The following NCOR1 variants were observed in gnomAD, a reference collection of about 807,000 sequenced individuals.
NCOR1 encodes protein phosphatase 1, regulatory subunit 109.
Under a neutral mutation model 288.1 loss-of-function variants are expected in NCOR1, and 63 were observed. The ratio of observed to expected loss-of-function variants is 0.22; its 90% CI spans 0.18 to 0.27. NCOR1 has a LOEUF of 0.27. NCOR1 is among the 10% of genes least tolerant of loss of function. The probability of loss-of-function intolerance (pLI) is 1.00; values close to 1 mark genes in which losing one functional copy is unlikely to be tolerated. For synonymous variants in NCOR1, 1,007 were observed against 1,065.9 expected (o/e 0.94, Z 1.08); for missense variants, 2,397 against 3,019.2 (o/e 0.79, Z 4.83).
intron 22 of NCOR1, among the ~76,000 whole-genome samples, chr17:16,088,443 A>C (rs1362328918): frequency 6.6e-6 from 1 of 152,168 alleles, no homozygotes; most frequent in Non-Finnish European, 1.5e-5. Context: ...TCTGTGTAAT[A>C]ATTTTTTCTG....
chr17:16,130,556 TA>T (rs1415411290), intron 14 of NCOR1, among the ~76,000 whole-genome samples: 2 of 152,256 alleles, frequency 1.3e-5, no homozygotes, highest in Non-Finnish European at 2.9e-5. Flanking sequence ...GTCAGGGAGT[TA>T]ATATAACATG....
Position 16,171,341 on chromosome 17 carries a change from T to G in NCOR1, c.435+462A>C, listed in dbSNP as rs370480017. On this transcript the variant is annotated intron_variant, in intron 4 of 45. Transcript: ENST00000268712. ...ATAAGTATGTATTACTTACATAAAT[T>G]AGGAACAATTTTCTTTTGTATAGAA... Among the ~76,000 whole-genome samples the G allele has an allele frequency of 1.2e-3, 186 of 152,298 alleles. 1 individual carries two copies. In the Middle Eastern group the frequency reaches 0.014, roughly 11 times the overall value.
rs1021421479 is a variant in NCOR1 at position 16,169,066 on chromosome 17, CTTTA to C, written c.435+2733_435+2736del. 4.6e-5 allele frequency among the ~76,000 whole-genome samples: 7 copies of C among 151,752 alleles called. No homozygotes were observed. The East Asian group carries it at 7.7e-4, about 17-fold the overall frequency. On this transcript the variant is annotated intron_variant, in intron 4 of 45. Coordinates refer to ENST00000268712, the MANE Select transcript of NCOR1 (RefSeq NM_006311.4). ...TAAATAATTTTATTTAATCAATGAA[CTTTA>C]TTTATGCATATGTGGAATACTAAGT...
chr17:16,153,371 T>C lies in NCOR1; in HGVS notation c.757A>G (p.Ile253Val). 6.2e-7 allele frequency: 1 copy of C among 1,600,092 alleles called. No homozygotes were observed. The highest frequency in any genetic ancestry group is 8.5e-7 in the Non-Finnish European group (1 of 1,172,326). The change falls in exon 7 of 46, where the codon ATT becomes GTT. Residue 253 changes from isoleucine to valine, a missense_variant. Physicochemically the swap from Ile to Val is conservative, Grantham distance 29 (BLOSUM62 3). This residue lies in a region of NCOR1 where 76 missense variants were observed against 102.2 expected (regional missense o/e 0.74). Coordinates refer to ENST00000268712, the MANE Select transcript of NCOR1 (RefSeq NM_006311.4). ...ACTTTTGGGCCAAGACCTTCAAAAA[T>C]TTTATGAGCTTCTTCTGCTTTTTTC... ...NRKKAEEAHK[I>V]FEGLGPKVEL...
intron 6 of NCOR1, among the ~76,000 whole-genome samples, chr17:16,155,224 G>A (rs1356213080): frequency 2.6e-5 from 4 of 151,874 alleles, no homozygotes; most frequent in Non-Finnish European, 5.9e-5. Context: ...GGTGGCATGT[G>A]CCTATAATCC....
chr17:16,149,379 G>A lies in NCOR1; in HGVS notation c.909+72C>T, dbSNP rs940904767. On this transcript the variant is annotated intron_variant, in intron 9 of 45. Transcript: ENST00000268712. ...TCAAGGACCACTCTCATTAACAGTA[G>A]GAAAGTGAATGCCTAAATGAGCATG... 36 of 796,020 alleles carry A rather than the reference G, an allele frequency of 4.5e-5. No homozygotes were observed. The African/African-American group carries it at 5.8e-4, about 13-fold the overall frequency. The allele number at this position is 796,020 out of a possible 1,614,324, so 49.3% of individuals were successfully genotyped here.
chr17:16,155,201 A>C (rs1177552198), intron 6 of NCOR1, among the ~76,000 whole-genome samples: 1 of 152,066 alleles, frequency 6.6e-6, no homozygotes, highest in Non-Finnish European at 1.5e-5. Flanking sequence ...AAATGCAAAA[A>C]TTAGCCAGGC....
intron 14 of NCOR1, among the ~76,000 whole-genome samples, chr17:16,136,083 G>C (rs2076355553): frequency 6.6e-6 from 1 of 152,218 alleles, no homozygotes; most frequent in Admixed American, 6.5e-5. Flanking sequence ...GGCAGCTGCT[G>C]ATCAGTTATT....
In NCOR1 at chr17:16,145,686, C is replaced by T. The variant is rs1001425512; in HGVS notation, c.1082+690G>A. Among the ~76,000 whole-genome samples, 43 of 151,968 alleles carry T rather than the reference C, an allele frequency of 2.8e-4. 1 individual carries two copies. Among genetic ancestry groups the T allele is most frequent in the African/African-American group, 9.9e-4 (41 of 41,440 alleles). On this transcript the variant is annotated intron_variant, in intron 10 of 45. Coordinates refer to ENST00000268712, the MANE Select transcript of NCOR1 (RefSeq NM_006311.4). ...CTTCCGGGAGGTGGGGGGCAGCCCCCGCCCAGCCAGCCGCCCAGTCCGGGA... is the reference window on the plus strand; with the variant it reads ...CTTCCGGGAGGTGGGGGGCAGCCCCTGCCCAGCCAGCCGCCCAGTCCGGGA...
At chr17:16,214,557 T>C (rs1384456440) in intron 1 of NCOR1, among the ~76,000 whole-genome samples, 2 of 152,236 alleles carry the variant, frequency 1.3e-5, no homozygotes, top group Admixed American at 6.5e-5. Flanking sequence ...AGGTTAACTC[T>C]GTGGAAGAGG....
chr17:16,177,178 A>G (rs1200197720), intron 3 of NCOR1, among the ~76,000 whole-genome samples: 2 of 151,938 alleles, frequency 1.3e-5, no homozygotes, highest in African/African-American at 4.8e-5. Context: ...TTATATCTTC[A>G]GGGCACTCAA....
At chr17:16,039,713 A>G (rs2057182527) in intron 43 of NCOR1, 59 bp from the exon 44 acceptor site, 4 of 1,446,954 alleles carry the variant, frequency 2.8e-6, no homozygotes, top group South Asian at 1.2e-5. Flanking sequence ...GGAAACAAAC[A>G]TGCATTGCCC....
rs1406160497 is a variant in NCOR1 at position 16,191,911 on chromosome 17, T to C, written c.108+2551A>G. On this transcript the variant is annotated intron_variant, in intron 2 of 45. Transcript: ENST00000268712. ...GAGGATCCCTTGAGCCCAATAGTTCTAGGCTACAGCTCTGGGCTATGCCAA... is the reference window on the plus strand; with the variant it reads ...GAGGATCCCTTGAGCCCAATAGTTCCAGGCTACAGCTCTGGGCTATGCCAA... 5 of 150,912 alleles carry C rather than the reference T, an allele frequency of 3.3e-5. No individual in the cohort carries two copies. The East Asian group carries it at 9.6e-4, about 29-fold the overall frequency. The allele number at this position is 150,912 out of a possible 1,614,324, so 9.3% of individuals were successfully genotyped here.
intron 26 of NCOR1, among the ~76,000 whole-genome samples, chr17:16,076,533 C>G (rs2062480449): frequency 6.6e-6 from 1 of 152,220 alleles, no homozygotes; most frequent in South Asian, 2.1e-4. Flanking sequence ...GTCAACCATT[C>G]TACGGTTGTT....
rs747689507 is a variant in NCOR1 at position 16,057,987 on chromosome 17, G to A, written c.6088C>T (p.Leu2030=). The A allele has an allele frequency of 6.2e-7, 1 of 1,614,122 alleles. No homozygotes were observed. The highest frequency in any genetic ancestry group is 8.5e-7 in the Non-Finnish European group (1 of 1,179,986). ...QQESPSPQQQ[L]PPSSQAEGMG... Reference sequence around the variant, plus strand: ...CCCTCTGCCTGTGAAGAAGGGGGCAGCTGTTGTTGGGGAGATGGTGATTCC... The same window carrying A: ...CCCTCTGCCTGTGAAGAAGGGGGCAACTGTTGTTGGGGAGATGGTGATTCC... The change falls in exon 39 of 46, where the codon CTG becomes TTG. Residue 2030 remains leucine, a synonymous_variant. Transcript: ENST00000268712.
At chr17:16,130,015 G>A (rs889196964) in intron 14 of NCOR1, among the ~76,000 whole-genome samples, 2 of 152,200 alleles carry the variant, frequency 1.3e-5, no homozygotes, top group African/African-American at 4.8e-5. Flanking sequence ...TCAGTGTAAA[G>A]AAGGAAACAG....
At chr17:16,140,728 C>T (rs891739931) in intron 11 of NCOR1, among the ~76,000 whole-genome samples, 5 of 152,124 alleles carry the variant, frequency 3.3e-5, no homozygotes, top group African/African-American at 1.2e-4. Context: ...GGAGTAGAAT[C>T]GCTTGAACCT....
intron 36 of NCOR1, 59 bp from the exon 37 acceptor site, chr17:16,061,953 T>C: frequency 2.0e-5 from 31 of 1,566,350 alleles, no homozygotes; most frequent in Admixed American, 4.0e-5. Flanking sequence ...GGGAATGTGG[T>C]GGGGAGATGG....
chr17:16,137,445 C>A (rs2076589978), intron 13 of NCOR1, 33 bp from the exon 14 acceptor site: 3 of 1,198,266 alleles, frequency 2.5e-6, no homozygotes, highest in Admixed American at 2.7e-5. Context: ...TTTTGAGGAT[C>A]CAATGAAATA....
Sources: allele counts gnomAD v4.1 joint callset (sites outside exome capture counted in the v4.1 genomes callset), GRCh38; gene constraint gnomAD v4.1.1; regional missense constraint gnomAD v4.1.1; transcripts MANE v1.5; gene names NCBI Gene and HGNC (gene_info 2026-07-23, HGNC 2026-07-21).